Variants in PABPC1L observed in about 807,000 individuals in gnomAD.
PABPC1L encodes the protein poly(A) binding protein cytoplasmic 1 like, also known as polyadenylate-binding protein 1-like.
Under a neutral mutation model 66.6 loss-of-function variants are expected in PABPC1L, and 31 were observed. The observed-to-expected ratio is 0.47, with a 90% CI of 0.35 to 0.63. PABPC1L has a LOEUF of 0.63. Among genes scored for constraint, PABPC1L ranks in the 20% least tolerant of loss-of-function variants. The probability of loss-of-function intolerance (pLI) is 0.00; values close to 1 mark genes in which losing one functional copy is unlikely to be tolerated. For missense variants in PABPC1L, 722 were observed against 848.8 expected (o/e 0.85, Z 1.86); for synonymous variants, 348 against 335.1 (o/e 1.04, Z -0.42).
chr20:44,910,342 C>T lies in PABPC1L; in HGVS notation c.193+6C>T. On this transcript the variant is annotated splice_donor_region_variant and intron_variant, in intron 1 of 14. Coordinates refer to ENST00000217073, the MANE Select transcript of PABPC1L (RefSeq NM_001372179.1). ...CTTCCAGCAGCCCGCGGACGGTGAG[C>T]CCCGGGGATGGGGCGGGAGGGGAAG... 1 of 1,499,292 alleles carries T rather than the reference C, an allele frequency of 6.7e-7. No individual in the cohort carries two copies. The highest frequency in any genetic ancestry group is 9.0e-7 in the Non-Finnish European group (1 of 1,116,570). The allele number at this position is 1,499,292 out of a possible 1,614,324, so 92.9% of individuals were successfully genotyped here. A position where few individuals can be genotyped will look rare whatever the true frequency, so the allele number is the denominator to read the frequency against.
intron 2 of PABPC1L, among the ~76,000 whole-genome samples, chr20:44,914,503 T>C: frequency 6.6e-6 from 1 of 152,136 alleles, no homozygotes; most frequent in African/African-American, 2.4e-5. Context: ...CCACTGCACC[T>C]GGCATGTCAG....
At chr20:44,917,603 C>A (rs192417160) in intron 3 of PABPC1L, among the ~76,000 whole-genome samples, 1 of 152,260 alleles carries the variant, frequency 6.6e-6, no homozygotes, top group East Asian at 1.9e-4. Flanking sequence ...TCGATATCAT[C>A]CCCACTACAC....
intron 5 of PABPC1L, 75 bp from the exon 6 acceptor site, chr20:44,921,519 T>C (rs2066772879): frequency 1.1e-5 from 18 of 1,573,176 alleles, no homozygotes; most frequent in Non-Finnish European, 1.6e-5. Flanking sequence ...GTGGCCCCTC[T>C]AGATCCAGAA....
At chr20:44,925,778 C>T (rs559397043) in intron 7 of PABPC1L, among the ~76,000 whole-genome samples, 2 of 152,160 alleles carry the variant, frequency 1.3e-5, no homozygotes, top group Non-Finnish European at 2.9e-5. Context: ...TTTGATTACA[C>T]ATCATAAAAA....
At chr20:44,913,085 C>A (rs1012202750) in intron 2 of PABPC1L, among the ~76,000 whole-genome samples, 1 of 152,192 alleles carries the variant, frequency 6.6e-6, no homozygotes, top group Non-Finnish European at 1.5e-5. Context: ...AATTTAGTGG[C>A]CGTCAACAAC....
chr20:44,937,131 G>GTGCTCAA, intron 12 of PABPC1L: 1 of 388,248 alleles, frequency 2.6e-6, no homozygotes, highest in South Asian at 1.9e-5. Context: ...CCAGTTTCCA[G>GTGCTCAA]TGCTCAATGC....
rs1440140379 is a variant in PABPC1L at position 44,939,260 on chromosome 20, G to A, written c.*141G>A. ...GGGCTCTGTATGTGAATGAAGGTTG[G>A]TCACCCATCCAGCCTATTACCTTTT... On this transcript the variant is annotated 3_prime_UTR_variant, in exon 15 of 15. Transcript: ENST00000217073. 1.5e-5 allele frequency: 11 copies of A among 716,556 alleles called. No individual in the cohort carries two copies. Among genetic ancestry groups the A allele is most frequent in the Non-Finnish European group, 2.3e-5 (9 of 384,672 alleles). The allele number at this position is 716,556 out of a possible 1,614,324, so 44.4% of individuals were successfully genotyped here. A position where few individuals can be genotyped will look rare whatever the true frequency, so the allele number is the denominator to read the frequency against.
chr20:44,938,085 A>G lies in PABPC1L; in HGVS notation c.1685A>G (p.His562Arg), dbSNP rs374307431. ...MIGERLYPLI[H>R]DVHTQLAGKI... ...GGGGAGCGTCTCTACCCCCTTATCC[A>G]TGATGTCCACACCCAGCTGGCTGGC... Residue 562 changes from histidine (H) to arginine (R), a missense_variant, in exon 13 of 15, where the codon CAT becomes CGT. Around this residue, in one of 3 missense-constraint regions of PABPC1L, gnomAD observed 301 missense variants for 337.2 expected, o/e 0.89. Coordinates refer to ENST00000217073, the MANE Select transcript of PABPC1L (RefSeq NM_001372179.1). The G allele has an allele frequency of 4.3e-6, 7 of 1,614,024 alleles. No individual in the cohort carries two copies. Among genetic ancestry groups the G allele is most frequent in the African/African-American group, 4.0e-5 (3 of 74,914 alleles).
chr20:44,932,596 G>C (rs115819942), intron 9 of PABPC1L, 164 bp downstream of exon 9: 11 of 588,328 alleles, frequency 1.9e-5, no homozygotes, highest in Non-Finnish European at 3.3e-5. Flanking sequence ...TGAATGAGAC[G>C]TGTGTAAAGT....
In PABPC1L at chr20:44,933,108, G is replaced by C; in HGVS notation, c.1382G>C (p.Arg461Pro). The change falls in exon 10 of 15, where the codon CGC (arginine) becomes CCC (proline). Residue 461 changes from arginine (R) to proline (P), a missense_variant. Physicochemically the swap from Arg to Pro is moderately radical, Grantham distance 103 (BLOSUM62 -2). Around this residue, in one of 3 missense-constraint regions of PABPC1L, gnomAD observed 301 missense variants for 337.2 expected, o/e 0.89. Transcript: ENST00000217073. ...GTCCGGCCACCAGTTGTGCCTCGGC[G>C]CCCCCCGGCCCACATCAGCAGTGTC... ...SMVRPPVVPR[R>P]PPAHISSVRQ... is the part of the protein sequence containing the mutation. 6.2e-7 allele frequency: 1 copy of C among 1,606,468 alleles called. No individual in the cohort carries two copies. Among genetic ancestry groups the C allele is most frequent in the South Asian group, 1.1e-5 (1 of 89,098 alleles).
intron 2 of PABPC1L, 46 bp from the exon 3 acceptor site, chr20:44,916,710 G>A (rs1299968762): frequency 6.3e-7 from 1 of 1,582,886 alleles, no homozygotes. Flanking sequence ...CTTTCTACCT[G>A]AACCCTCTGT....
Position 44,910,065 on chromosome 20 carries a change from G to A in PABPC1L, c.-79G>A. On this transcript the variant is annotated 5_prime_UTR_variant, in exon 1 of 15. Coordinates refer to ENST00000217073, the MANE Select transcript of PABPC1L (RefSeq NM_001372179.1). ...GGGGCGGGCCCGCGCCCAGGAAGGA[G>A]GGCTTCCGCCCGGGTGAGCGCGGGG... is the stretch of plus-strand genomic sequence containing the variant. The A allele has an allele frequency of 1.6e-6, 2 of 1,289,704 alleles. No homozygotes were observed. The highest frequency in any genetic ancestry group is 2.1e-6 in the Non-Finnish European group (2 of 952,434). The allele number at this position is 1,289,704 out of a possible 1,614,324, so 79.9% of individuals were successfully genotyped here.
intron 4 of PABPC1L, 28 bp from the exon 5 acceptor site, chr20:44,919,155 C>G (rs756072707): frequency 1.9e-6 from 3 of 1,614,070 alleles, no homozygotes; most frequent in Non-Finnish European, 2.5e-6. Context: ...TCCCAGACTC[C>G]CCTTTGAGCC....
At chr20:44,932,470 A>G (rs941300167) in intron 9 of PABPC1L, 38 bp downstream of exon 9, 4 of 1,561,456 alleles carry the variant, frequency 2.6e-6, no homozygotes, top group Admixed American at 1.7e-5. Context: ...AGACTGGCCT[A>G]TTGGTGTGGG....
At chr20:44,921,789 G>A (rs2066775888) in intron 6 of PABPC1L, 58 bp downstream of exon 6, 1 of 1,596,748 alleles carries the variant, frequency 6.3e-7, no homozygotes, top group Non-Finnish European at 8.5e-7. Context: ...GTGTGTCGGG[G>A]GCCCTGAGTG....
intron 7 of PABPC1L, among the ~76,000 whole-genome samples, chr20:44,927,044 T>A (rs1327632578): frequency 1.3e-5 from 2 of 151,780 alleles, no homozygotes; most frequent in Admixed American, 6.6e-5. Flanking sequence ...CCCAGCTGAT[T>A]TAAAAAAAAA....
At chr20:44,936,541 A>T in intron 11 of PABPC1L, 96 bp from the exon 12 acceptor site, 2 of 1,027,906 alleles carry the variant, frequency 1.9e-6, no homozygotes, top group Non-Finnish European at 1.4e-6. Context: ...CCCCTCCTCC[A>T]GTGCCTCCCT....
intron 6 of PABPC1L, among the ~76,000 whole-genome samples, chr20:44,922,978 T>C (rs1174497938): frequency 6.6e-6 from 1 of 152,224 alleles, no homozygotes. Flanking sequence ...TACATCCTCT[T>C]GTGTACATAC....
chr20:44,931,468 TC>T, intron 8 of PABPC1L: 1 of 151,778 alleles, frequency 6.6e-6, no homozygotes, highest in Non-Finnish European at 1.5e-5. Flanking sequence ...TAAGCCACCG[TC>T]CCCCGCCCTA....
Sources: allele counts gnomAD v4.1 joint callset (sites outside exome capture counted in the v4.1 genomes callset), GRCh38; gene constraint gnomAD v4.1.1; regional missense constraint gnomAD v4.1.1; transcripts MANE v1.5; gene names NCBI Gene and HGNC (gene_info 2026-07-23, HGNC 2026-07-21).